Variants in ANKRD54 observed in about 807,000 individuals in gnomAD.
ANKRD54 encodes ankyrin repeat domain 54, also known as ankyrin repeat domain-containing protein 54.
In ANKRD54, 26 loss-of-function variants were observed where a neutral mutation model predicts 36.2. That is an observed-to-expected ratio of 0.72 (90% CI 0.53 to 1.00). The LOEUF (loss-of-function observed/expected upper bound fraction) is 1.00, where lower values mean the gene tolerates loss of function less well. Among genes scored for constraint, ANKRD54 ranks in the 50% least tolerant of loss-of-function variants. ANKRD54 has a pLI of 0.00. For missense variants in ANKRD54, 384 were observed against 424.3 expected (o/e 0.91, Z 0.83); for synonymous variants, 209 against 188.4 (o/e 1.11, Z -0.89).
In ANKRD54 at chr22:37,833,024, T is replaced by G. The variant is rs771686662; in HGVS notation, c.654A>C (p.Ser218=). 3.1e-6 allele frequency: 5 copies of G among 1,614,144 alleles called. No individual in the cohort carries two copies. The highest frequency in any genetic ancestry group is 1.7e-5 in the Admixed American group (1 of 60,026). The part of the protein sequence containing the change: ...AGRTPLHLAK[S]KLNILQEGHA... ...GGCCCTCCTGCAGGATATTCAGCTTTGACTTGGCCAGGTGCAGGGGTGTGC... is the reference window on the plus strand; with the variant it reads ...GGCCCTCCTGCAGGATATTCAGCTTGGACTTGGCCAGGTGCAGGGGTGTGC... The change falls in exon 6 of 8, where the codon TCA becomes TCC. Residue 218 remains serine (S), a synonymous_variant. Transcript: ENST00000215941.
chr22:37,847,105 G>A (rs1269295833), upstream of ANKRD54, among the ~76,000 whole-genome samples: 12 of 150,784 alleles, frequency 8.0e-5, no homozygotes, highest in African/African-American at 2.7e-4. Flanking sequence ...CACCCGCCTC[G>A]GCCTCCCAAA....
At chr22:37,837,975 CAT>C (rs1331496473) in intron 3 of ANKRD54, among the ~76,000 whole-genome samples, 4 of 152,112 alleles carry the variant, frequency 2.6e-5, no homozygotes, top group Admixed American at 6.6e-5. Context: ...CTACTAAAAA[CAT>C]ATAAAAAATT....
At chr22:37,846,856 T>C (rs1489480581), upstream of ANKRD54, among the ~76,000 whole-genome samples, 3 of 148,590 alleles carry the variant, frequency 2.0e-5, no homozygotes, top group Non-Finnish European at 4.4e-5. Flanking sequence ...TAATTTCTTT[T>C]CTTTTTTTTT....
Position 37,831,436 on chromosome 22 carries a change from G to GTAGA in ANKRD54, c.*506_*507insTCTA, listed in dbSNP as rs1340870704. 1 of 155,830 alleles carries GTAGA rather than the reference G, an allele frequency of 6.4e-6. No individual in the cohort carries two copies. Among genetic ancestry groups the GTAGA allele is most frequent in the Non-Finnish European group, 1.4e-5 (1 of 69,936 alleles). 9.7% of individuals were successfully genotyped at this position (155,830 alleles called of 1,614,324 possible). A position where few individuals can be genotyped will look rare whatever the true frequency, so the allele number is the denominator to read the frequency against. On this transcript the variant is annotated 3_prime_UTR_variant, in exon 8 of 8. Coordinates refer to ENST00000215941, the MANE Select transcript of ANKRD54 (RefSeq NM_138797.4). ...CTTCCAACCAGAGAAACTCACTGCA[G>GTAGA]TATCTCCTTGAAAGTCTGGTGACGT... is the stretch of plus-strand genomic sequence containing the variant.
At chr22:37,845,178 A>G (rs774317300), upstream of ANKRD54, among the ~76,000 whole-genome samples, 30 of 152,226 alleles carry the variant, frequency 2.0e-4, no homozygotes, top group Non-Finnish European at 2.9e-4. Context: ...ACCCCGACGT[A>G]GATGACTGAT....
intron 3 of ANKRD54, chr22:37,834,819 G>A (rs1923332535): frequency 1.3e-5 from 2 of 151,888 alleles, no homozygotes; most frequent in Admixed American, 6.6e-5. Context: ...CCAGCACTTT[G>A]GGAGGCCAAG....
In ANKRD54 at chr22:37,838,668, G is replaced by A. The variant is rs56334536; in HGVS notation, c.377-70C>T. 0.011 allele frequency: 16,302 copies of A among 1,483,138 alleles called. 1,131 individuals are homozygous for A. In the African/African-American group the frequency reaches 0.17, roughly 16 times the overall value. 91.9% of individuals were successfully genotyped at this position (1,483,138 alleles called of 1,614,324 possible). On this transcript the variant is annotated intron_variant, in intron 2 of 7. Coordinates refer to ENST00000215941, the MANE Select transcript of ANKRD54 (RefSeq NM_138797.4). ...TGTTAGCTAAGCTGCAGACCCGAGC[G>A]ATGGAGAGGGAGGCTCAGGGGTGCC...
At chr22:37,849,270 G>A (rs1022186858), upstream of ANKRD54, 4 of 755,142 alleles carry the variant, frequency 5.3e-6, no homozygotes, top group Admixed American at 8.4e-5. Context: ...GGGGTTACAG[G>A]TGTGAGCCAC....
chr22:37,841,729 T>C (rs958141564), intron 1 of ANKRD54, among the ~76,000 whole-genome samples: 2 of 151,532 alleles, frequency 1.3e-5, no homozygotes, highest in Non-Finnish European at 2.9e-5. Flanking sequence ...ATGCCTGTTA[T>C]CCCAACTACT....
At chr22:37,843,748 T>C (rs1383311234) in intron 1 of ANKRD54, 163 bp downstream of exon 1, 2 of 370,138 alleles carry the variant, frequency 5.4e-6, no homozygotes, top group Non-Finnish European at 9.0e-6. Flanking sequence ...ATCACCATCG[T>C]TACTGAAAGG....
At chr22:37,834,923 G>A (rs1246442959) in intron 3 of ANKRD54, among the ~76,000 whole-genome samples, 1 of 151,810 alleles carries the variant, frequency 6.6e-6, no homozygotes, top group Non-Finnish European at 1.5e-5. Context: ...GCTGGGTGTG[G>A]TGGCATACCC....
chr22:37,830,939 T>C lies in ANKRD54; in HGVS notation c.*1004A>G, dbSNP rs1922804496. ...ATTAGCCTCACTGAGCCAGTCCAGG[T>C]GGGAGCAGGGCTGGGGCCTTCCAGG... On this transcript the variant is annotated 3_prime_UTR_variant, in exon 8 of 8. Transcript: ENST00000215941. 1 of 152,228 alleles carries C rather than the reference T, an allele frequency of 6.6e-6. No individual in the cohort carries two copies. The highest frequency in any genetic ancestry group is 1.5e-5 in the Non-Finnish European group (1 of 68,080). 9.4% of individuals were successfully genotyped at this position (152,228 alleles called of 1,614,324 possible).
intron 1 of ANKRD54, among the ~76,000 whole-genome samples, chr22:37,842,383 T>G (rs757718921): frequency 6.6e-6 from 1 of 152,204 alleles, no homozygotes; most frequent in Non-Finnish European, 1.5e-5. Flanking sequence ...CTCTATCACT[T>G]GTAGTCACAG....
In ANKRD54 at chr22:37,832,647, G is replaced by C. The variant is rs1923029585; in HGVS notation, c.818C>G (p.Thr273Ser). ...DLCTRLQMTS[T>S]KEQVDEVTDL... ...GTGGCTGCAGCTCACCTGCTCTTTG[G>C]TACTGGTCATCTGCAGGCGGGTGCA... The change falls in exon 7 of 8, where the codon ACC (threonine) becomes AGC (serine). Residue 273 changes from threonine (T) to serine (S), a missense_variant. Thr to Ser is a moderately conservative substitution (Grantham distance 58). Coordinates refer to ENST00000215941, the MANE Select transcript of ANKRD54 (RefSeq NM_138797.4). 9 of 1,613,950 alleles carry C rather than the reference G, an allele frequency of 5.6e-6. No homozygotes were observed. The East Asian group carries it at 1.8e-4, about 32-fold the overall frequency.
intron 1 of ANKRD54, among the ~76,000 whole-genome samples, chr22:37,843,083 T>C (rs1924480173): frequency 6.6e-6 from 1 of 152,232 alleles, no homozygotes; most frequent in Non-Finnish European, 1.5e-5. Flanking sequence ...GCATAACAGC[T>C]AAACATCCAT....
At chr22:37,840,797 G>A (rs142494870) in intron 1 of ANKRD54, among the ~76,000 whole-genome samples, 1 of 151,400 alleles carries the variant, frequency 6.6e-6, no homozygotes, top group Non-Finnish European at 1.5e-5. Context: ...TGAGGTAGGA[G>A]AATCACTTGA....
At chr22:37,840,383 C>T in intron 1 of ANKRD54, 149 bp from the exon 2 acceptor site, 1 of 809,230 alleles carries the variant, frequency 1.2e-6, no homozygotes, top group South Asian at 1.5e-5. Flanking sequence ...ATGGTGAAAC[C>T]CCATCTCTAC....
At chr22:37,840,402 C>CA (rs1924079423) in intron 1 of ANKRD54, among the ~76,000 whole-genome samples, 168 bp from the exon 2 acceptor site, 2 of 151,976 alleles carry the variant, frequency 1.3e-5, no homozygotes, top group South Asian at 4.1e-4. Flanking sequence ...ACTAAAAATA[C>CA]AAAAAAATTA....
chr22:37,844,726 C>T (rs1031837301), upstream of ANKRD54, among the ~76,000 whole-genome samples: 1 of 152,098 alleles, frequency 6.6e-6, no homozygotes, highest in African/African-American at 2.4e-5. Context: ...CGCGCCACCA[C>T]GCCCAGCTAA....
Sources: allele counts gnomAD v4.1 joint callset (sites outside exome capture counted in the v4.1 genomes callset), GRCh38; gene constraint gnomAD v4.1.1; transcripts MANE v1.5; gene names NCBI Gene and HGNC (gene_info 2026-07-23, HGNC 2026-07-21).